Variants in JAK2 observed in about 807,000 individuals in gnomAD.
JAK2 encodes the protein tyrosine-protein kinase JAK2.
In JAK2, 86 loss-of-function variants were observed where a neutral mutation model predicts 139.3. That is an observed-to-expected ratio of 0.62 (90% CI 0.52 to 0.74). JAK2 has a LOEUF of 0.74. Among genes scored for constraint, JAK2 ranks in the 30% least tolerant of loss-of-function variants. JAK2 has a pLI of 0.00. For synonymous variants in JAK2, 490 were observed against 437.7 expected (o/e 1.12, Z -1.49); for missense variants, 1,421 against 1,360.3 (o/e 1.04, Z -0.70).
At chr9:5,023,273 C>G (rs139234325) in intron 3 of JAK2, among the ~76,000 whole-genome samples, 4 of 152,178 alleles carry the variant, frequency 2.6e-5, no homozygotes, top group South Asian at 2.1e-4. Flanking sequence ...CTTTCAGTTC[C>G]TGGCTTATTT....
rs199608873 is a variant in JAK2, at chr9:5,090,882, A to C, written c.3030A>C (p.Val1010=). ...CACAAGACAAAGAATACTATAAAGT[A>C]AAAGAACCTGGTGAAAGTCCCATAT... The part of the protein sequence containing the change: ...VLPQDKEYYK[V]KEPGESPIFW... The change falls in exon 22 of 25, where the codon GTA becomes GTC. Residue 1010 remains valine (V), a synonymous_variant. Transcript: ENST00000381652. 42 of 1,606,842 alleles carry C rather than the reference A, an allele frequency of 2.6e-5. 1 individual carries two copies. In the Admixed American group the frequency reaches 7.0e-4, roughly 27 times the overall value.
intron 4 of JAK2, chr9:5,041,715 G>A (rs563135457): frequency 2.0e-5 from 10 of 501,462 alleles, no homozygotes; most frequent in Admixed American, 2.2e-5. Context: ...CTCTGAGTAC[G>A]AGGGGCTCGG....
At chr9:5,052,506 C>A (rs768578640) in intron 6 of JAK2, among the ~76,000 whole-genome samples, 1 of 151,966 alleles carries the variant, frequency 6.6e-6, no homozygotes, top group Non-Finnish European at 1.5e-5. Flanking sequence ...ATTTACAAAT[C>A]ATAAATCTCA....
chr9:4,986,867 G>A (rs1158960911), intron 2 of JAK2, among the ~76,000 whole-genome samples: 4 of 152,050 alleles, frequency 2.6e-5, no homozygotes, highest in African/African-American at 4.8e-5. Flanking sequence ...GTACCTATGC[G>A]GGGAATTTTC....
At chr9:5,047,739 G>T (rs1170822369) in intron 5 of JAK2, among the ~76,000 whole-genome samples, 1 of 152,116 alleles carries the variant, frequency 6.6e-6, no homozygotes, top group Non-Finnish European at 1.5e-5. Context: ...CTAGGTACAG[G>T]TGTGTGCCAC....
intron 19 of JAK2, among the ~76,000 whole-genome samples, chr9:5,089,265 A>G (rs958088001): frequency 2.0e-5 from 3 of 152,096 alleles, no homozygotes; most frequent in Non-Finnish European, 4.4e-5. Context: ...GCTGCTGGGC[A>G]TGGTGGCTCA....
At chr9:5,018,403 A>G (rs1822206292) in intron 2 of JAK2, among the ~76,000 whole-genome samples, 1 of 152,020 alleles carries the variant, frequency 6.6e-6, no homozygotes, top group Non-Finnish European at 1.5e-5. Flanking sequence ...TGGTGTGATC[A>G]TGGCTCACTG....
rs145722743 is a variant in JAK2, at chr9:5,106,600, T to C, written c.3059+15689T>C. Among the ~76,000 whole-genome samples the C allele has an allele frequency of 9.6e-3, 1,466 of 152,284 alleles. 34 individuals carry two copies. The highest frequency in any genetic ancestry group is 0.033 in the African/African-American group (1,390 of 41,538). The stretch of plus-strand genomic sequence containing the variant: ...ATGCTGCTATAAAGACACATGCCCA[T>C]GTATGTTTACTGTGGCACTATTCAC... On this transcript the variant is annotated intron_variant, in intron 22 of 24. Coordinates refer to ENST00000381652, the MANE Select transcript of JAK2 (RefSeq NM_004972.4).
intron 22 of JAK2, among the ~76,000 whole-genome samples, chr9:5,122,528 G>A (rs138559330): frequency 3.3e-5 from 5 of 152,142 alleles, no homozygotes; most frequent in African/African-American, 1.2e-4. Context: ...TGTCTACAGA[G>A]ACAAAAATAA....
intron 2 of JAK2, among the ~76,000 whole-genome samples, chr9:4,996,623 C>A (rs1005351559): frequency 6.6e-6 from 1 of 151,480 alleles, no homozygotes. Context: ...TGCATCAGAT[C>A]TTCAGTTGTA....
intron 8 of JAK2, among the ~76,000 whole-genome samples, chr9:5,057,655 T>C (rs1817864227): frequency 6.7e-6 from 1 of 148,780 alleles, no homozygotes; most frequent in South Asian, 2.1e-4. Flanking sequence ...CGATCTTGGC[T>C]CACTGTAACC....
chr9:5,064,723 C>A lies in JAK2; in HGVS notation c.1057-160C>A, dbSNP rs971569267. The stretch of plus-strand genomic sequence containing the variant: ...CTGTATTTAGGAGGATCTTAAATAT[C>A]AGACATGAGAATTTGTAATTCATAT... On this transcript the variant is annotated intron_variant, in intron 8 of 24. Transcript: ENST00000381652. Among the ~76,000 whole-genome samples, 4 of 152,044 alleles carry A rather than the reference C, an allele frequency of 2.6e-5. No homozygotes were observed. In the South Asian group the frequency reaches 8.3e-4, roughly 32 times the overall value.
At chr9:5,042,571 A>G (rs1816670857) in intron 4 of JAK2, among the ~76,000 whole-genome samples, 1 of 152,086 alleles carries the variant, frequency 6.6e-6, no homozygotes, top group South Asian at 2.1e-4. Context: ...TGAAGTGAGT[A>G]GTGGGATCCT....
intron 6 of JAK2, among the ~76,000 whole-genome samples, chr9:5,052,157 C>T (rs1240122016): frequency 6.6e-6 from 1 of 151,996 alleles, no homozygotes; most frequent in Non-Finnish European, 1.5e-5. Flanking sequence ...AATATGAAGC[C>T]ATCTCTAGAC....
At position 5,054,893 on chromosome 9, in the gene JAK2, T is replaced by C; in HGVS notation, c.936+9T>C. On this transcript the variant is annotated intron_variant, in intron 7 of 24. Coordinates refer to ENST00000381652, the MANE Select transcript of JAK2 (RefSeq NM_004972.4). This position sits in a 1 kb window ranked among gnomAD's most constrained non-coding sequence, Gnocchi z 4.9. ...AGACACTGACAGAACAGGTAATCCTTAATGATATGTTCTTGTTCTTTGTTA... is the reference window on the plus strand; with the variant it reads ...AGACACTGACAGAACAGGTAATCCTCAATGATATGTTCTTGTTCTTTGTTA... 6.5e-7 allele frequency: 1 copy of C among 1,539,358 alleles called. No homozygotes were observed. Among genetic ancestry groups the C allele is most frequent in the Non-Finnish European group, 8.8e-7 (1 of 1,131,080 alleles).
intron 2 of JAK2, among the ~76,000 whole-genome samples, chr9:4,992,419 A>T (rs976879974): frequency 6.6e-6 from 1 of 152,140 alleles, no homozygotes; most frequent in African/African-American, 2.4e-5. Context: ...TTGATGGGGG[A>T]GTGGCAAGTT....
At chr9:5,034,641 G>A (rs1563942461) in intron 4 of JAK2, among the ~76,000 whole-genome samples, 1 of 151,944 alleles carries the variant, frequency 6.6e-6, no homozygotes, top group Non-Finnish European at 1.5e-5. Flanking sequence ...AATGACTACT[G>A]GGTACATAAC....
chr9:5,015,427 G>A (rs912765187), intron 2 of JAK2, among the ~76,000 whole-genome samples: 1 of 152,182 alleles, frequency 6.6e-6, no homozygotes, highest in African/African-American at 2.4e-5. Flanking sequence ...GTTGACATAT[G>A]CACAAATGGT....
intron 2 of JAK2, among the ~76,000 whole-genome samples, chr9:5,013,367 A>G (rs140429902): frequency 1.3e-5 from 2 of 152,378 alleles, no homozygotes; most frequent in African/African-American, 4.8e-5. Flanking sequence ...TTGGTATACT[A>G]AAGAAAGTAA....
Sources: allele counts gnomAD v4.1 joint callset (sites outside exome capture counted in the v4.1 genomes callset), GRCh38; gene constraint gnomAD v4.1.1; non-coding constraint Gnocchi (gnomAD v3.1); transcripts MANE v1.5; gene names NCBI Gene and HGNC (gene_info 2026-07-23, HGNC 2026-07-21).